DCAF6: variants seen among roughly 807,000 people sequenced by gnomAD.
DCAF6 encodes DDB1- and CUL4-associated factor 6.
In DCAF6, 54 loss-of-function variants were observed where a neutral mutation model predicts 125.1. That is an observed-to-expected ratio of 0.43 (90% confidence interval 0.35 to 0.54). DCAF6 has a LOEUF of 0.54. Ranked by LOEUF, DCAF6 falls within the 20% of genes least tolerant of loss-of-function variation. The pLI is 0.01. For synonymous variants in DCAF6, 371 were observed against 390.4 expected (o/e 0.95, Z 0.58); for missense variants, 934 against 1,161.7 (o/e 0.80, Z 2.85).
chr1:167,880,532 A>G, the DCAF6 span: 1 of 1,614,198 alleles, frequency 6.2e-7, no homozygotes, highest in East Asian at 2.2e-5. Context: ...ATATATCCAT[A>G]GCACATTCCA....
the DCAF6 span, among the ~76,000 whole-genome samples, chr1:167,882,138 A>G: frequency 1.3e-5 from 2 of 152,350 alleles, no homozygotes; most frequent in African/African-American, 4.8e-5. Context: ...CAATTCTCAC[A>G]TATGCATCTG....
At chr1:167,975,054 ATG>A in intron 4 of DCAF6, 39 bp downstream of exon 4, 1 of 1,376,186 alleles carries the variant, frequency 7.3e-7, no homozygotes, top group Non-Finnish European at 9.7e-7. Flanking sequence ...ATATGTAAGT[ATG>A]TATATTTTTG....
chr1:167,962,082 A>T (rs1336777797), intron 2 of DCAF6, among the ~76,000 whole-genome samples: 1 of 151,910 alleles, frequency 6.6e-6, no homozygotes, highest in African/African-American at 2.4e-5. Flanking sequence ...TATTCTTTTA[A>T]ATTTGATAAA....
the DCAF6 span, chr1:167,880,503 A>G: frequency 1.2e-6 from 2 of 1,613,544 alleles, no homozygotes; most frequent in African/African-American, 1.3e-5. Flanking sequence ...GATTTTGTGG[A>G]CTTGAGAGCA....
the DCAF6 span, among the ~76,000 whole-genome samples, chr1:167,890,604 C>CG: frequency 0.01 from 1 of 96 alleles, no homozygotes; most frequent in Admixed American, 0.1. Context: ...CTACAATCAG[C>CG]AGGTGCAAAG....
chr1:167,973,328 T>A (rs1677628944), intron 3 of DCAF6, among the ~76,000 whole-genome samples: 1 of 152,214 alleles, frequency 6.6e-6, no homozygotes, highest in Non-Finnish European at 1.5e-5. Flanking sequence ...TTTATTCCCT[T>A]ATTGGAGATG....
chr1:167,958,449 C>T (rs1249066811), intron 2 of DCAF6, among the ~76,000 whole-genome samples: 1 of 151,756 alleles, frequency 6.6e-6, no homozygotes, highest in Admixed American at 6.6e-5. Flanking sequence ...ATCACTTGAC[C>T]ATAAATAGAA....
chr1:168,040,693 G>A (rs115244694), intron 13 of DCAF6, among the ~76,000 whole-genome samples: 2,759 of 148,908 alleles, frequency 0.019, 78 homozygotes, highest in African/African-American at 0.062. Flanking sequence ...GGCATCTTCT[G>A]AAGAATCTTA....
At chr1:167,920,143 C>A in the DCAF6 span, 1 of 1,097,614 alleles carries the variant, frequency 9.1e-7, no homozygotes, top group Non-Finnish European at 1.4e-6. Flanking sequence ...TCAATAACTT[C>A]AGTGAATACT....
the DCAF6 span, chr1:167,893,940 G>T: frequency 6.2e-7 from 1 of 1,612,316 alleles, no homozygotes; most frequent in African/African-American, 1.3e-5. Flanking sequence ...GCCTCAGGAG[G>T]TCTAAGAAGG....
chr1:168,065,461 T>C, intron 18 of DCAF6, 129 bp from the exon 19 acceptor site: 1 of 785,058 alleles, frequency 1.3e-6, no homozygotes, highest in Non-Finnish European at 1.9e-6. Context: ...ATTTTTAATT[T>C]TACTATTTTC....
chr1:167,921,532 C>G, the DCAF6 span, among the ~76,000 whole-genome samples: 1 of 152,022 alleles, frequency 6.6e-6, no homozygotes, highest in African/African-American at 2.4e-5. Context: ...TTGGCTGTTA[C>G]GCCATTTTTC....
chr1:167,908,248 A>T, the DCAF6 span, among the ~76,000 whole-genome samples: 1 of 152,364 alleles, frequency 6.6e-6, no homozygotes, highest in South Asian at 2.1e-4. Context: ...TCTTTCTTGT[A>T]TGATAGTGTG....
chr1:168,022,573 A>G (rs1370344379), intron 11 of DCAF6, among the ~76,000 whole-genome samples: 2 of 152,242 alleles, frequency 1.3e-5, no homozygotes, highest in South Asian at 2.1e-4. Context: ...CTCTCAAAGT[A>G]TAGTGAGCAT....
chr1:167,885,140 T>TA, the DCAF6 span, among the ~76,000 whole-genome samples: 126 of 152,352 alleles, frequency 8.3e-4, 1 homozygote, highest in South Asian at 0.024. Context: ...TATGGCTGAA[T>TA]AGTACTTCGT....
At chr1:167,927,717 C>G in the DCAF6 span, among the ~76,000 whole-genome samples, 2 of 152,176 alleles carry the variant, frequency 1.3e-5, no homozygotes, top group Admixed American at 1.3e-4. Flanking sequence ...TGCCTGGTAA[C>G]TAATTTACTA....
chr1:167,910,174 C>T, the DCAF6 span, among the ~76,000 whole-genome samples: 8 of 152,306 alleles, frequency 5.3e-5, no homozygotes, highest in East Asian at 1.9e-4. Flanking sequence ...GTCTGTGGCT[C>T]GTCCTGCTAC....
intron 17 of DCAF6, among the ~76,000 whole-genome samples, chr1:168,052,413 AAC>A (rs1558033541): frequency 6.6e-6 from 1 of 152,188 alleles, no homozygotes; most frequent in Non-Finnish European, 1.5e-5. Context: ...CAGAAAATGT[AAC>A]AGTTACCTCC....
intron 2 of DCAF6, among the ~76,000 whole-genome samples, chr1:167,966,163 T>C (rs1047180903): frequency 1.9e-4 from 29 of 152,330 alleles, no homozygotes; most frequent in East Asian, 5.8e-4. Flanking sequence ...AGATCAGTTA[T>C]TGATTTTACA....
Sources: gnomAD v4.1 joint callset for allele counts (sites outside exome capture counted in the v4.1 genomes callset) on GRCh38, gnomAD v4.1.1 for gene constraint, MANE v1.5 for transcripts, NCBI Gene and HGNC (gene_info 2026-07-23, HGNC 2026-07-21) for gene names.